The following ZCCHC7 variants were observed in gnomAD, a reference collection of about 807,000 sequenced individuals.
The protein encoded by ZCCHC7 is zinc finger CCHC-type containing 7, also known as zinc finger CCHC domain-containing protein 7.
In ZCCHC7, 35 loss-of-function variants were observed where a neutral mutation model predicts 52.0. That is an observed-to-expected ratio of 0.67 (90% confidence interval 0.51 to 0.89). The LOEUF is 0.89. Ranked by LOEUF, ZCCHC7 falls within the 40% of genes least tolerant of loss-of-function variation. The pLI is 0.00. For synonymous variants in ZCCHC7, 217 were observed against 221.5 expected, an observed-to-expected ratio of 0.98 and a Z score of 0.18; for missense variants, 574 against 649.1, an observed-to-expected ratio of 0.88 and a Z score of 1.26.
Position 37,269,498 on chromosome 9 carries a change from A to C in ZCCHC7, c.611-32690A>C, listed in dbSNP as rs527607025. The stretch of plus-strand genomic sequence containing the variant: ...ACTGAGTGTTGCAGTGCGTGCCTAT[A>C]GTCCCAGCTACCAGGGAGGCTGAGG... On this transcript the variant is annotated intron_variant, in intron 2 of 8. Transcript: ENST00000336755. Among the ~76,000 whole-genome samples the C allele has an allele frequency of 3.6e-3, 541 of 151,598 alleles. 5 individuals are homozygous for C. The highest frequency in any genetic ancestry group is 6.8e-3 in the Middle Eastern group (2 of 294).
intron 2 of ZCCHC7, among the ~76,000 whole-genome samples, chr9:37,213,770 A>G (rs1223980484): frequency 6.6e-6 from 1 of 152,094 alleles, no homozygotes; most frequent in Non-Finnish European, 1.5e-5. Flanking sequence ...GATTGTTTCT[A>G]AAGTGTTTTG....
chr9:37,219,914 G>A (rs1210987808), intron 2 of ZCCHC7, among the ~76,000 whole-genome samples: 1 of 152,188 alleles, frequency 6.6e-6, no homozygotes. Context: ...AAGGACGTCA[G>A]GACATTCCTT....
chr9:37,309,675 A>G (rs954090600), intron 5 of ZCCHC7, among the ~76,000 whole-genome samples: 2 of 152,182 alleles, frequency 1.3e-5, no homozygotes, highest in Non-Finnish European at 2.9e-5. Flanking sequence ...GTTACCCAGC[A>G]CTTTGGGAGG....
chr9:37,179,463 C>T (rs1822234833), intron 2 of ZCCHC7, among the ~76,000 whole-genome samples: 1 of 152,172 alleles, frequency 6.6e-6, no homozygotes, highest in Non-Finnish European at 1.5e-5. Context: ...TTAAATGTAA[C>T]TTCATCTGCT....
chr9:37,283,091 G>A (rs778770941), intron 2 of ZCCHC7, among the ~76,000 whole-genome samples: 15 of 151,924 alleles, frequency 9.9e-5, no homozygotes, highest in South Asian at 2.1e-4. Flanking sequence ...TTTTATACCC[G>A]TGTGTGCTCT....
intron 2 of ZCCHC7, among the ~76,000 whole-genome samples, chr9:37,264,819 C>G (rs973026405): frequency 1.3e-5 from 2 of 152,108 alleles, no homozygotes; most frequent in Non-Finnish European, 2.9e-5. Context: ...AGCAGTTAAA[C>G]CTGAACTCTC....
chr9:37,269,682 T>C (rs901601030), intron 2 of ZCCHC7, among the ~76,000 whole-genome samples: 3 of 150,290 alleles, frequency 2.0e-5, no homozygotes, highest in Non-Finnish European at 4.4e-5. Flanking sequence ...ATAATGTTGT[T>C]ATCTTAGGTT....
chr9:37,166,398 A>C (rs887713273), intron 2 of ZCCHC7, among the ~76,000 whole-genome samples: 1 of 152,120 alleles, frequency 6.6e-6, no homozygotes, highest in Non-Finnish European at 1.5e-5. Context: ...CTCCATCTCA[A>C]AAACTAATAA....
intron 2 of ZCCHC7, among the ~76,000 whole-genome samples, chr9:37,164,351 A>G (rs1821286166): frequency 6.6e-6 from 1 of 152,096 alleles, no homozygotes; most frequent in Non-Finnish European, 1.5e-5. Context: ...AGGCTGAGGC[A>G]CAAGAATCAC....
At chr9:37,191,677 A>C (rs1375560753) in intron 2 of ZCCHC7, among the ~76,000 whole-genome samples, 2 of 152,214 alleles carry the variant, frequency 1.3e-5, no homozygotes, top group Non-Finnish European at 2.9e-5. Flanking sequence ...TGCAGTTGCT[A>C]AAGGTAAGGT....
In ZCCHC7 at chr9:37,126,491, G is replaced by A; in HGVS notation, c.159G>A (p.Glu53=). Residue 53 remains glutamate, a synonymous_variant, in exon 2 of 9, where the codon GAG becomes GAA. Transcript: ENST00000336755. ...TTGATGATGTCATCAGGGAGGAAGA[G>A]CATGAAGAAAAGAACTCTGGGAATT... ...QDLDDVIREE[E]HEEKNSGNSE... 2 of 1,613,660 alleles carry A rather than the reference G, an allele frequency of 1.2e-6. No homozygotes were observed. Among genetic ancestry groups the A allele is most frequent in the African/African-American group, 1.3e-5 (1 of 75,028 alleles).
chr9:37,329,280 C>A (rs1028370966), intron 6 of ZCCHC7, among the ~76,000 whole-genome samples: 36 of 151,308 alleles, frequency 2.4e-4, no homozygotes, highest in Admixed American at 2.0e-3. Context: ...CGTTTATATA[C>A]CTATAGTTAA....
chr9:37,297,157 A>ATATATATATATATATTTCCCAAAT (rs1828825975), intron 2 of ZCCHC7, among the ~76,000 whole-genome samples: 1 of 152,224 alleles, frequency 6.6e-6, no homozygotes, highest in Non-Finnish European at 1.5e-5. Context: ...TTTCCCAAAT[A>ATATATATATATATATTTCCCAAAT]ATATATACTT....
intron 2 of ZCCHC7, among the ~76,000 whole-genome samples, chr9:37,136,870 C>T (rs1843019539): frequency 6.6e-6 from 1 of 152,096 alleles, no homozygotes; most frequent in South Asian, 2.1e-4. Flanking sequence ...GCTCAAGCTC[C>T]CACCTTGGCC....
At chr9:37,291,404 C>T (rs1828530733) in intron 2 of ZCCHC7, among the ~76,000 whole-genome samples, 1 of 151,146 alleles carries the variant, frequency 6.6e-6, no homozygotes, top group African/African-American at 2.4e-5. Context: ...ACTCATTCAA[C>T]AGAACATTGT....
chr9:37,282,545 C>T (rs372303379), intron 2 of ZCCHC7, among the ~76,000 whole-genome samples: 2 of 139,686 alleles, frequency 1.4e-5, no homozygotes. Context: ...GCAGAGCTTG[C>T]AGTGAGCCAA....
intron 5 of ZCCHC7, among the ~76,000 whole-genome samples, chr9:37,322,617 C>T (rs1830097191): frequency 6.7e-6 from 1 of 149,422 alleles, no homozygotes; most frequent in Non-Finnish European, 1.5e-5. Context: ...CAACTAAAAA[C>T]ATCGAGTAGA....
intron 2 of ZCCHC7, among the ~76,000 whole-genome samples, chr9:37,165,575 T>C (rs1821373225): frequency 6.6e-6 from 1 of 152,226 alleles, no homozygotes; most frequent in African/African-American, 2.4e-5. Context: ...ACAATTTTAA[T>C]ATAGTGAATT....
rs1842535729 is a variant in ZCCHC7 at position 37,126,343 on chromosome 9, G to A, written c.11G>A (p.Gly4Asp). 2 of 1,609,552 alleles carry A rather than the reference G, an allele frequency of 1.2e-6. No individual in the cohort carries two copies. Among genetic ancestry groups the A allele is most frequent in the African/African-American group, 1.3e-5 (1 of 74,646 alleles). Residue 4 changes from glycine (G) to aspartate (D), a missense_variant, in exon 2 of 9, where the codon GGT becomes GAT. Physicochemically the swap from Gly to Asp is moderately conservative, Grantham distance 94. Around this residue, in one of 3 missense-constraint regions of ZCCHC7, gnomAD observed 403 missense variants for 461.2 expected, o/e 0.87. Coordinates refer to ENST00000336755, the MANE Select transcript of ZCCHC7 (RefSeq NM_032226.3). ...GGTTACTGACTTTTTATGATGTTTGGTGGCTATGAGACTATAGAAGCATAC... is the reference window on the plus strand; with the variant it reads ...GGTTACTGACTTTTTATGATGTTTGATGGCTATGAGACTATAGAAGCATAC... MMFGGYETIEAYED... is the reference protein window; with the variant it reads MMFDGYETIEAYED...
Sources: allele counts gnomAD v4.1 joint callset (sites outside exome capture counted in the v4.1 genomes callset), GRCh38; gene constraint gnomAD v4.1.1; regional missense constraint gnomAD v4.1.1; transcripts MANE v1.5; gene names NCBI Gene and HGNC (gene_info 2026-07-23, HGNC 2026-07-21).